The following CCDC74B variants were observed in gnomAD, a reference collection of about 807,000 sequenced individuals.
CCDC74B encodes the protein coiled-coil domain containing 74B.
Under a neutral mutation model 38.0 loss-of-function variants are expected in CCDC74B, and 34 were observed. That is an observed-to-expected ratio of 0.89 (90% CI 0.68 to 1.19). CCDC74B has a LOEUF of 1.19. Ranked by LOEUF, CCDC74B falls within the 50% of genes most tolerant of loss-of-function variation. The probability of loss-of-function intolerance (pLI) is 0.00; values close to 1 mark genes in which losing one functional copy is unlikely to be tolerated. For synonymous variants in CCDC74B, 132 were observed against 170.4 expected (o/e 0.77, Z 1.76); for missense variants, 358 against 406.0 (o/e 0.88, Z 1.02).
intron 2 of CCDC74B, 174 bp from the exon 3 acceptor site, chr2:130,142,357 G>A: frequency 6.2e-7 from 1 of 1,613,088 alleles, no homozygotes; most frequent in South Asian, 1.1e-5. Context: ...AGAGGCCCTG[G>A]AAAGGTGGTT....
In CCDC74B at chr2:130,141,230, G is replaced by A. The variant is rs370596966; in HGVS notation, c.413C>T (p.Ala138Val). The A allele has an allele frequency of 5.6e-5, 90 of 1,606,612 alleles. 1 individual carries two copies. The highest frequency in any genetic ancestry group is 2.0e-4 in the East Asian group (9 of 44,882). Reference sequence around the variant, plus strand: ...AAGTAGGGGCTCCTCTTCCAGGTCCGCCTTCTGGGGGACGTCAGCTTTTGA... The same window carrying A: ...AAGTAGGGGCTCCTCTTCCAGGTCCACCTTCTGGGGGACGTCAGCTTTTGA... ...QDSKADVPQK[A>V]DLEEEPLLHN... The change falls in exon 4 of 8, where the codon GCG (alanine) becomes GTG (valine). Residue 138 changes from alanine to valine, a missense_variant. Physicochemically the swap from Ala to Val is moderately conservative, Grantham distance 64. Transcript: ENST00000409943.
At position 130,144,802 on chromosome 2, in the gene CCDC74B, C is replaced by G. The variant is rs144104366; in HGVS notation, c.195G>C (p.Ser65=). The change falls in exon 1 of 8, where the codon TCG becomes TCC. Residue 65 remains serine, a synonymous_variant. Coordinates refer to ENST00000409943, the MANE Select transcript of CCDC74B (RefSeq NM_001258307.2). The part of the protein sequence containing the change: ...KSLQFLQQQH[S]EMLAKLHEEI... ...CCTCATGGAGCTTGGCCAGCATCTC[C>G]GAGTGCTGCTGCTGCAGGAACTGTA... 1 of 1,613,508 alleles carries G rather than the reference C, an allele frequency of 6.2e-7. No homozygotes were observed. The highest frequency in any genetic ancestry group is 1.1e-5 in the South Asian group (1 of 91,076).
chr2:130,144,571 G>C, intron 1 of CCDC74B, 176 bp downstream of exon 1: 5 of 1,550,238 alleles, frequency 3.2e-6, no homozygotes, highest in Non-Finnish European at 4.4e-6. Flanking sequence ...GGGCCACGCG[G>C]GTCTCCCTCT....
At chr2:130,142,921 A>G in intron 2 of CCDC74B, 1 of 1,550,310 alleles carries the variant, frequency 6.5e-7, no homozygotes, top group Non-Finnish European at 8.7e-7. Context: ...GGGCCTGGCC[A>G]CAGCAGCAAT....
chr2:130,144,587 G>T, intron 1 of CCDC74B, 160 bp downstream of exon 1: 1 of 1,549,628 alleles, frequency 6.5e-7, no homozygotes, highest in Non-Finnish European at 8.7e-7. Context: ...CCTCTGGGAG[G>T]AGGGGACAGC....
At chr2:130,141,811 G>A (rs1411560872) in intron 3 of CCDC74B, 2 of 514,862 alleles carry the variant, frequency 3.9e-6, no homozygotes, top group East Asian at 7.3e-5. Context: ...ACACGGCCAA[G>A]CAGGGCTGCT....
Position 130,144,759 on chromosome 2 carries a change from G to A in CCDC74B, c.238C>T (p.Arg80Trp), listed in dbSNP as rs1291077097. The change falls in exon 1 of 8, where the codon CGG (arginine) becomes TGG (tryptophan). Residue 80 changes from arginine (R) to tryptophan (W), a missense_variant. Around this residue, in one of 3 missense-constraint regions of CCDC74B, gnomAD observed 128 missense variants for 146.7 expected, o/e 0.87. Transcript: ENST00000409943. The part of the protein sequence containing the change: ...KLHEEIEHLK[R>W]ENKDLRYKLI... ...CGCGCCGGCTCACCCTTGTTTTCCC[G>A]CTTCAGATGCTCGATCTCCTCATGG... 2 of 1,612,582 alleles carry A rather than the reference G, an allele frequency of 1.2e-6. No individual in the cohort carries two copies. The highest frequency in any genetic ancestry group is 1.7e-6 in the Non-Finnish European group (2 of 1,179,556).
At chr2:130,141,813 A>G (rs907545751) in intron 3 of CCDC74B, 15 of 512,742 alleles carry the variant, frequency 2.9e-5, no homozygotes, top group Non-Finnish European at 4.5e-5. Flanking sequence ...ACGGCCAAGC[A>G]GGGCTGCTGC....
chr2:130,144,559 G>C lies in CCDC74B; in HGVS notation c.250+188C>G, dbSNP rs1195560257. The C allele has an allele frequency of 4.5e-6, 7 of 1,550,232 alleles. No homozygotes were observed. The Admixed American group carries it at 1.4e-4, about 30-fold the overall frequency. Reference sequence around the variant, plus strand: ...CAGGCAGACAGGTTCGGCACTGCCCGGGGGCCACGCGGGTCTCCCTCTGGG... The same window carrying C: ...CAGGCAGACAGGTTCGGCACTGCCCCGGGGCCACGCGGGTCTCCCTCTGGG... On this transcript the variant is annotated intron_variant, in intron 1 of 7. Transcript: ENST00000409943.
At chr2:130,140,140 C>T (rs936906562) in intron 5 of CCDC74B, 39 bp downstream of exon 5, 16 of 1,611,786 alleles carry the variant, frequency 9.9e-6, no homozygotes, top group African/African-American at 1.3e-5. Context: ...GTGGCGGTGC[C>T]AGACTGCCCA....
chr2:130,143,940 AAG>A (rs1685848203), intron 1 of CCDC74B, among the ~76,000 whole-genome samples: 1 of 139,266 alleles, frequency 7.2e-6, no homozygotes, highest in Non-Finnish European at 1.5e-5. Flanking sequence ...GGGAGGGAGA[AAG>A]GGGGGCGTGG....
At position 130,142,060 on chromosome 2, in the gene CCDC74B, C is replaced by G. The variant is rs1573635449; in HGVS notation, c.346+73G>C. ...CAGCAGAGGGTACCTGGTCAGCACC[C>G]CTAGAGGCCACCCAGGCTGGGGTCC... On this transcript the variant is annotated intron_variant, in intron 3 of 7. Coordinates refer to ENST00000409943, the MANE Select transcript of CCDC74B (RefSeq NM_001258307.2). 5.0e-6 allele frequency: 8 copies of G among 1,588,644 alleles called. No homozygotes were observed. The East Asian group carries it at 1.8e-4, about 36-fold the overall frequency.
chr2:130,139,357 G>A lies in CCDC74B; in HGVS notation c.*198C>T. ...TACCTGCTTCATCGTGTGCTTTTAT[G>A]TAAATGCCAAATAGCAAAATAACAG... On this transcript the variant is annotated 3_prime_UTR_variant, in exon 8 of 8. Transcript: ENST00000409943. The A allele has an allele frequency of 1.5e-6, 1 of 668,874 alleles. No individual in the cohort carries two copies. Among genetic ancestry groups the A allele is most frequent in the Non-Finnish European group, 2.5e-6 (1 of 400,010 alleles). The allele number at this position is 668,874 out of a possible 1,614,324, so 41.4% of individuals were successfully genotyped here.
chr2:130,144,532 G>C, intron 1 of CCDC74B: 1 of 1,549,800 alleles, frequency 6.5e-7, no homozygotes, highest in Non-Finnish European at 8.7e-7. Flanking sequence ...TGCCCTAGGA[G>C]ACAGGCAGAC....
Position 130,145,025 on chromosome 2 carries a change from C to T in CCDC74B, c.-29G>A. 2.8e-6 allele frequency: 4 copies of T among 1,405,120 alleles called. No individual in the cohort carries two copies. The highest frequency in any genetic ancestry group is 3.7e-6 in the Non-Finnish European group (4 of 1,071,200). 87.0% of individuals were successfully genotyped at this position (1,405,120 alleles called of 1,614,324 possible). A position where few individuals can be genotyped will look rare whatever the true frequency, so the allele number is the denominator to read the frequency against. ...GCCATCGCCAGGTACTCTCCCGCTGCCACTGCACCCCGGCTCAGTGGCCAG... is the reference window on the plus strand; with the variant it reads ...GCCATCGCCAGGTACTCTCCCGCTGTCACTGCACCCCGGCTCAGTGGCCAG... On this transcript the variant is annotated 5_prime_UTR_variant, in exon 1 of 8. Transcript: ENST00000409943.
rs755215770 is a variant in CCDC74B at position 130,139,658 on chromosome 2, G to A, written c.842C>T (p.Ala281Val). 5 of 1,613,086 alleles carry A rather than the reference G, an allele frequency of 3.1e-6. No individual in the cohort carries two copies. The African/African-American group carries it at 5.3e-5, about 17-fold the overall frequency. The change falls in exon 8 of 8, where the codon GCC becomes GTC. Residue 281 changes from alanine (A) to valine (V), a missense_variant. Ala to Val is a moderately conservative substitution (Grantham distance 64). Around this residue, in one of 3 missense-constraint regions of CCDC74B, gnomAD observed 213 missense variants for 212.3 expected, o/e 1.00. Coordinates refer to ENST00000409943, the MANE Select transcript of CCDC74B (RefSeq NM_001258307.2). ...GGTCTGCTTCAGTGCGGGCAGGATG[G>A]CACGCTCCGCCACAGGTGGGCTCAG... The part of the protein sequence containing the change: ...LLLSPPVAER[A>V]ILPALKQTPK...
Position 130,141,892 on chromosome 2 carries a change from A to G in CCDC74B, c.346+241T>C, listed in dbSNP as rs2599968. The stretch of plus-strand genomic sequence containing the variant: ...GCCCCTCCTGCCTGCTTGCTGCCCC[A>G]CCCTGGGGTGCCTGCTGTGAGGCCT... On this transcript the variant is annotated intron_variant, in intron 3 of 7. Coordinates refer to ENST00000409943, the MANE Select transcript of CCDC74B (RefSeq NM_001258307.2). 6.2e-3 allele frequency: 5,328 copies of G among 854,456 alleles called. 102 individuals are homozygous for G. The highest frequency in any genetic ancestry group is 0.053 in the African/African-American group (2,977 of 56,252). The allele number at this position is 854,456 out of a possible 1,614,324, so 52.9% of individuals were successfully genotyped here.
chr2:130,140,237 C>G lies in CCDC74B; in HGVS notation c.620G>C (p.Arg207Thr). ...CTCGCGGATGAGCACTTCGCACTGC[C>G]TAAGTGTGGTGGGCTTTCGCAGGGG... ...PLPLRKPTTLRQCEVLIRELW... is the reference protein window; with the variant it reads ...PLPLRKPTTLTQCEVLIRELW... Residue 207 changes from arginine to threonine, a missense_variant, in exon 5 of 8, where the codon AGG becomes ACG. By Grantham distance (71) the Arg-to-Thr change is moderately conservative. This residue lies in a region of CCDC74B where 213 missense variants were observed against 212.3 expected (regional missense o/e 1.00). Coordinates refer to ENST00000409943, the MANE Select transcript of CCDC74B (RefSeq NM_001258307.2). 6.2e-7 allele frequency: 1 copy of G among 1,613,488 alleles called. No homozygotes were observed.
intron 2 of CCDC74B, chr2:130,142,506 T>G: frequency 6.4e-7 from 1 of 1,559,298 alleles, no homozygotes; most frequent in Admixed American, 1.9e-5. Context: ...GGCCACACTT[T>G]GCCCAGAACA....
Sources: allele counts gnomAD v4.1 joint callset (sites outside exome capture counted in the v4.1 genomes callset), GRCh38; gene constraint gnomAD v4.1.1; regional missense constraint gnomAD v4.1.1; transcripts MANE v1.5; gene names NCBI Gene and HGNC (gene_info 2026-07-23, HGNC 2026-07-21).